SPC25: variants seen among roughly 807,000 people sequenced by gnomAD.
SPC25 encodes the protein kinetochore protein Spc25.
In SPC25, 22 loss-of-function variants were observed where a neutral mutation model predicts 29.6. The ratio of observed to expected loss-of-function variants is 0.74; its 90% CI spans 0.53 to 1.06. The LOEUF (loss-of-function observed/expected upper bound fraction) is 1.06, where lower values mean the gene tolerates loss of function less well. SPC25 is among the 50% of genes least tolerant of loss of function. The probability of loss-of-function intolerance (pLI) is 0.00; values close to 1 mark genes in which losing one functional copy is unlikely to be tolerated. For synonymous variants in SPC25, 91 were observed against 90.4 expected (o/e 1.01, Z -0.04); for missense variants, 230 against 255.8 (o/e 0.90, Z 0.69).
chr2:168,888,982 C>CAT (rs1314306486), intron 3 of SPC25, among the ~76,000 whole-genome samples: 2 of 118,850 alleles, frequency 1.7e-5, no homozygotes, highest in African/African-American at 3.7e-5. Flanking sequence ...TACACACACA[C>CAT]ATATATATGT....
At chr2:168,862,028 G>A (rs1221733096) in intron 4 of SPC25, 10 of 1,614,162 alleles carry the variant, frequency 6.2e-6, no homozygotes, top group Non-Finnish European at 8.5e-6. Flanking sequence ...CAGGCAAGAT[G>A]ATGAGTTGAA....
rs1449001530 is a variant in SPC25, at chr2:168,888,955, G to GTATA, written c.199+270_199+271insTATA. 2.4e-3 allele frequency among the ~76,000 whole-genome samples: 140 copies of GTATA among 59,314 alleles called. 6 individuals are homozygous for GTATA. The highest frequency in any genetic ancestry group is 8.2e-3 in the South Asian group (10 of 1,224). 38.9% of individuals were successfully genotyped at this position (59,314 alleles called of 152,430 possible). ...TGTGTGTGTGTGTGTGTGTGTGTGTGTGTATATATATATATATACACACAC... is the reference window on the plus strand; with the variant it reads ...TGTGTGTGTGTGTGTGTGTGTGTGTGTATATGTATATATATATATATACACACAC... On this transcript the variant is annotated intron_variant, in intron 3 of 6. Coordinates refer to ENST00000282074, the MANE Select transcript of SPC25 (RefSeq NM_020675.4).
At position 168,876,135 on chromosome 2, in the gene SPC25, T is replaced by C. The variant is rs141334063; in HGVS notation, c.388A>G (p.Arg130Gly). ...TACAAGTCTGCAGATTTCTGCAGCCTTTTCAACCTCTCTGCATTCGCTTTA... is the reference window on the plus strand; with the variant it reads ...TACAAGTCTGCAGATTTCTGCAGCCCTTTCAACCTCTCTGCATTCGCTTTA... Reference protein sequence around the residue: ...ANKANAERLKRLQKSADLYKD... With the variant: ...ANKANAERLKGLQKSADLYKD... The change falls in exon 5 of 7, where the codon AGG (arginine) becomes GGG (glycine). Residue 130 changes from arginine (R) to glycine (G), a missense_variant. Transcript: ENST00000282074. The C allele has an allele frequency of 5.8e-5, 91 of 1,569,554 alleles. No homozygotes were observed. The highest frequency in any genetic ancestry group is 7.6e-5 in the Non-Finnish European group (89 of 1,165,278).
At chr2:168,868,500 G>A (rs546509020), downstream of SPC25, among the ~76,000 whole-genome samples, 49 of 151,902 alleles carry the variant, frequency 3.2e-4, no homozygotes, top group African/African-American at 8.9e-4. Flanking sequence ...TCAAATAGAC[G>A]CAATAAAAAA....
intron 3 of SPC25, among the ~76,000 whole-genome samples, chr2:168,886,286 A>G (rs1281420322): frequency 6.6e-6 from 1 of 151,892 alleles, no homozygotes; most frequent in Non-Finnish European, 1.5e-5. Flanking sequence ...GAACTCCTGG[A>G]CTCAGGCAAT....
In SPC25 at chr2:168,871,540, G is replaced by A. The variant is rs1401199504; in HGVS notation, c.566C>T (p.Pro189Leu). ...AAATTCTGCTAGGCCCTCAAGATGA[G>A]GGGCACTATCTGACACTAGAAAAAA... ...ARDYEVSDSA[P>L]HLEGLAEFQE... The change falls in exon 7 of 7, where the codon CCT (proline) becomes CTT (leucine). Residue 189 changes from proline to leucine, a missense_variant. Coordinates refer to ENST00000282074, the MANE Select transcript of SPC25 (RefSeq NM_020675.4). 2 of 1,578,820 alleles carry A rather than the reference G, an allele frequency of 1.3e-6. No individual in the cohort carries two copies. Among genetic ancestry groups the A allele is most frequent in the East Asian group, 2.3e-5 (1 of 43,930 alleles).
chr2:168,880,482 C>T (rs1690159878), intron 3 of SPC25, among the ~76,000 whole-genome samples: 1 of 152,154 alleles, frequency 6.6e-6, no homozygotes, highest in African/African-American at 2.4e-5. Flanking sequence ...TAGGCTTTTG[C>T]TTAAGGGAAT....
At chr2:168,863,147 A>G (rs1175740571) in intron 4 of SPC25, among the ~76,000 whole-genome samples, 1 of 152,140 alleles carries the variant, frequency 6.6e-6, no homozygotes, top group African/African-American at 2.4e-5. Context: ...GCCTACTTAT[A>G]CTTTATATTC....
chr2:168,863,598 G>A (rs1382471060), intron 4 of SPC25: 1 of 985,052 alleles, frequency 1.0e-6, no homozygotes, highest in African/African-American at 1.7e-5. Flanking sequence ...AATTGATGTT[G>A]TATTAAAGTT....
chr2:168,885,246 G>C (rs1175273616), intron 3 of SPC25, among the ~76,000 whole-genome samples: 1 of 151,994 alleles, frequency 6.6e-6, no homozygotes, highest in Non-Finnish European at 1.5e-5. Context: ...CATACTCCAT[G>C]TCAGAAGGAA....
At chr2:168,881,520 A>G (rs1361337090) in intron 3 of SPC25, among the ~76,000 whole-genome samples, 1 of 152,228 alleles carries the variant, frequency 6.6e-6, no homozygotes, top group Non-Finnish European at 1.5e-5. Context: ...GGAAGGCACA[A>G]AAAGCATAAG....
intron 3 of SPC25, among the ~76,000 whole-genome samples, 199 bp downstream of exon 3, chr2:168,889,027 A>T (rs1690333304): frequency 1.9e-5 from 1 of 53,968 alleles, no homozygotes; most frequent in African/African-American, 7.6e-5. Context: ...ATATACACAT[A>T]TATATACATA....
At chr2:168,886,216 G>A (rs1366050483) in intron 3 of SPC25, among the ~76,000 whole-genome samples, 1 of 151,848 alleles carries the variant, frequency 6.6e-6, no homozygotes, top group Admixed American at 6.6e-5. Context: ...ACCACACCTG[G>A]CTAATTTTTC....
Position 168,889,234 on chromosome 2 carries a change from T to G in SPC25, c.191A>C (p.Tyr64Ser), listed in dbSNP as rs781780996. The change falls in exon 3 of 7, where the codon TAT becomes TCT. Residue 64 changes from tyrosine to serine, a missense_variant. Physicochemically the swap from Tyr to Ser is moderately radical, Grantham distance 144 (BLOSUM62 -2). Transcript: ENST00000282074. ...EERMVEMFLE[Y>S]QNQISRQNKL... is the part of the protein sequence containing the mutation. Reference sequence around the variant, plus strand: ...TATACTTTTTCACATACGATTTTGATATTCCAGAAACATCTCAACCATTCG... The same window carrying G: ...TATACTTTTTCACATACGATTTTGAGATTCCAGAAACATCTCAACCATTCG... 6.2e-7 allele frequency: 1 copy of G among 1,612,320 alleles called. No individual in the cohort carries two copies. Among genetic ancestry groups the G allele is most frequent in the South Asian group, 1.1e-5 (1 of 90,570 alleles).
At chr2:168,877,147 C>T in intron 4 of SPC25, 91 bp downstream of exon 4, 1 of 1,399,344 alleles carries the variant, frequency 7.1e-7, no homozygotes, top group Non-Finnish European at 9.8e-7. Context: ...CCATTTTTAG[C>T]AATGAACTGG....
chr2:168,865,915 G>C (rs1430363261), downstream of SPC25, among the ~76,000 whole-genome samples: 1 of 152,260 alleles, frequency 6.6e-6, no homozygotes, highest in Non-Finnish European at 1.5e-5. Context: ...CAACTTACAA[G>C]GGATGTGAAG....
At chr2:168,882,979 G>C (rs924797952) in intron 3 of SPC25, among the ~76,000 whole-genome samples, 1 of 152,042 alleles carries the variant, frequency 6.6e-6, no homozygotes, top group Non-Finnish European at 1.5e-5. Context: ...TAAAATAAAA[G>C]AGCCTTAAAA....
At chr2:168,874,476 C>T (rs1559153870) in intron 5 of SPC25, among the ~76,000 whole-genome samples, 1 of 152,008 alleles carries the variant, frequency 6.6e-6, no homozygotes, top group Admixed American at 6.6e-5. Flanking sequence ...TGGAAATAAC[C>T]CAGTGCCCAC....
intron 3 of SPC25, among the ~76,000 whole-genome samples, chr2:168,883,162 G>GA (rs1690203953): frequency 6.6e-6 from 1 of 151,772 alleles, no homozygotes; most frequent in Non-Finnish European, 1.5e-5. Context: ...ATATCGATAA[G>GA]ATGGAATGTA....
Sources: allele counts gnomAD v4.1 joint callset (sites outside exome capture counted in the v4.1 genomes callset), GRCh38; gene constraint gnomAD v4.1.1; transcripts MANE v1.5; gene names NCBI Gene and HGNC (gene_info 2026-07-23, HGNC 2026-07-21).